The following CUBN variants were observed in gnomAD, a reference collection of about 807,000 sequenced individuals.
CUBN encodes cubilin.
CUBN carries 282 observed loss-of-function variants against 405.3 expected under a neutral mutation model. That is an observed-to-expected ratio of 0.70 (90% CI 0.63 to 0.77). CUBN has a LOEUF of 0.77. Among genes scored for constraint, CUBN ranks in the 30% least tolerant of loss-of-function variants. CUBN has a pLI of 0.00. For synonymous variants in CUBN, 1,684 were observed against 1,617.0 expected, an observed-to-expected ratio of 1.04 and a Z score of -0.99; for missense variants, 4,514 against 4,475.2, an observed-to-expected ratio of 1.01 and a Z score of -0.25.
intron 36 of CUBN, 119 bp downstream of exon 36, chr10:16,947,116 T>C: frequency 6.3e-6 from 7 of 1,106,574 alleles, no homozygotes; most frequent in Non-Finnish European, 8.2e-6. Flanking sequence ...ACAGAGGAAA[T>C]TTGGAAAAAT....
intron 4 of CUBN, among the ~76,000 whole-genome samples, chr10:17,126,550 G>A (rs1837196135): frequency 6.6e-6 from 1 of 152,148 alleles, no homozygotes; most frequent in Non-Finnish European, 1.5e-5. Flanking sequence ...AACAGGCTCG[G>A]AGACCTCAGC....
chr10:17,119,388 G>A (rs981394686), intron 6 of CUBN, among the ~76,000 whole-genome samples: 8 of 152,218 alleles, frequency 5.3e-5, no homozygotes, highest in Admixed American at 3.9e-4. Flanking sequence ...GGCTGGGCAC[G>A]GTGGCTCACG....
chr10:16,987,170 G>C (rs1288381838), intron 29 of CUBN, among the ~76,000 whole-genome samples: 1 of 152,162 alleles, frequency 6.6e-6, no homozygotes, highest in African/African-American at 2.4e-5. Context: ...GACTTTCTCA[G>C]AGATTAAAGT....
chr10:17,103,732 G>A (rs1055484615), intron 12 of CUBN, among the ~76,000 whole-genome samples: 5 of 152,192 alleles, frequency 3.3e-5, no homozygotes, highest in East Asian at 3.8e-4. Flanking sequence ...TAAGTGAGGG[G>A]CAGAAGAGTC....
intron 17 of CUBN, among the ~76,000 whole-genome samples, chr10:17,073,444 C>CTTTTT (rs11349387): frequency 1.8e-5 from 2 of 109,782 alleles, no homozygotes; most frequent in East Asian, 2.4e-4. Flanking sequence ...ATAACCAGCT[C>CTTTTT]TTTTTTTTTT....
At chr10:16,887,215 C>T (rs747885636) in intron 56 of CUBN, among the ~76,000 whole-genome samples, 14 of 152,090 alleles carry the variant, frequency 9.2e-5, no homozygotes, top group Non-Finnish European at 1.6e-4. Flanking sequence ...TGTGTGCACA[C>T]GTATGTCTAT....
In CUBN at chr10:16,915,137, G is replaced by A. The variant is rs776418847; in HGVS notation, c.7246C>T (p.Pro2416Ser). ...TTGCTAGAAGTGTCTATGCTGTCAGGAATGGTGTTTCCACAGTATCTGCCC... is the reference window on the plus strand; with the variant it reads ...TTGCTAGAAGTGTCTATGCTGTCAGAAATGGTGTTTCCACAGTATCTGCCC... ...ILGRYCGNTI[P>S]DSIDTSSNTA... Residue 2416 changes from proline (P) to serine (S), a missense_variant, in exon 47 of 67, where the codon CCT (proline) becomes TCT (serine). Physicochemically the swap from Pro to Ser is moderately conservative, Grantham distance 74. Around this residue, in one of 5 missense-constraint regions of CUBN, gnomAD observed 1,613 missense variants for 1,542.8 expected, o/e 1.05. Coordinates refer to ENST00000377833, the MANE Select transcript of CUBN (RefSeq NM_001081.4). 2 of 1,613,990 alleles carry A rather than the reference G, an allele frequency of 1.2e-6. No homozygotes were observed. The highest frequency in any genetic ancestry group is 1.1e-5 in the South Asian group (1 of 91,074).
Position 17,068,091 on chromosome 10 carries a change from T to C in CUBN, c.2981A>G (p.Asp994Gly). 2 of 1,613,288 alleles carry C rather than the reference T, an allele frequency of 1.2e-6. No individual in the cohort carries two copies. The highest frequency in any genetic ancestry group is 1.7e-4 in the Middle Eastern group (1 of 6,054). The change falls in exon 21 of 67, where the codon GAC becomes GGC. Residue 994 changes from aspartate to glycine, a missense_variant. By Grantham distance (94) the Asp-to-Gly change is moderately conservative (BLOSUM62 -1). Coordinates refer to ENST00000377833, the MANE Select transcript of CUBN (RefSeq NM_001081.4). ...NCTNDYLEVY[D>G]TDSETSLGRY... ...TCCAAGGGATGTCTCAGAGTCGGTG[T>C]CATAAACTTCCAAGTAGTCGTTTGT...
chr10:16,856,173 C>T (rs1839864280), intron 59 of CUBN, among the ~76,000 whole-genome samples: 1 of 152,140 alleles, frequency 6.6e-6, no homozygotes, highest in African/African-American at 2.4e-5. Context: ...TATAAGCCAT[C>T]TTAACCTTGA....
At chr10:16,877,848 G>A (rs1221808074) in intron 56 of CUBN, among the ~76,000 whole-genome samples, 5 of 152,200 alleles carry the variant, frequency 3.3e-5, no homozygotes, top group African/African-American at 1.2e-4. Flanking sequence ...AGTGATTTTT[G>A]TAGGTGAACA....
At chr10:16,924,097 A>G (rs1209977786) in intron 43 of CUBN, among the ~76,000 whole-genome samples, 1 of 113,218 alleles carries the variant, frequency 8.8e-6, no homozygotes, top group African/African-American at 3.5e-5. Flanking sequence ...TGAGTCTATT[A>G]TAAACAAAAA....
At chr10:16,852,967 A>G (rs1839764528) in intron 59 of CUBN, among the ~76,000 whole-genome samples, 1 of 152,250 alleles carries the variant, frequency 6.6e-6, no homozygotes, top group Non-Finnish European at 1.5e-5. Context: ...GCTAAAGGAA[A>G]AAATCTTTAT....
chr10:16,840,766 T>C, intron 61 of CUBN, 119 bp downstream of exon 61: 1 of 932,854 alleles, frequency 1.1e-6, no homozygotes. Context: ...GTTTAGATAG[T>C]AATTGACATT....
intron 56 of CUBN, among the ~76,000 whole-genome samples, chr10:16,887,086 C>T (rs1228575321): frequency 1.3e-5 from 2 of 152,166 alleles, no homozygotes; most frequent in Non-Finnish European, 2.9e-5. Context: ...CCGTGCCCAG[C>T]CTATATTAAT....
chr10:17,084,251 G>A lies in CUBN; in HGVS notation c.2301+20C>T, dbSNP rs748668669. 22 of 1,610,176 alleles carry A rather than the reference G, an allele frequency of 1.4e-5. No homozygotes were observed. The highest frequency in any genetic ancestry group is 2.7e-5 in the African/African-American group (2 of 74,848). ...ATGTTGATGAATGTCATCTAAGGGC[G>A]ATTGAGTAGTGAAAGTTACCTCAAT... On this transcript the variant is annotated intron_variant, in intron 17 of 66. Transcript: ENST00000377833.
At chr10:17,067,085 A>C (rs1835626902) in intron 21 of CUBN, among the ~76,000 whole-genome samples, 1 of 152,148 alleles carries the variant, frequency 6.6e-6, no homozygotes, top group Non-Finnish European at 1.5e-5. Context: ...AGCAGCCAAA[A>C]ACATAAAATT....
chr10:17,006,071 T>G (rs568413621), intron 28 of CUBN, among the ~76,000 whole-genome samples: 35 of 152,282 alleles, frequency 2.3e-4, no homozygotes, highest in Admixed American at 2.2e-3. Context: ...TGCCGACACC[T>G]TGACCTTGGA....
chr10:17,035,663 A>G (rs554467086), intron 27 of CUBN, among the ~76,000 whole-genome samples: 20 of 152,242 alleles, frequency 1.3e-4, no homozygotes, highest in South Asian at 4.1e-4. Context: ...CATAAAAAAG[A>G]GCAAGATCAG....
chr10:17,124,885 G>A (rs1379704710), intron 4 of CUBN, among the ~76,000 whole-genome samples: 1 of 152,034 alleles, frequency 6.6e-6, no homozygotes, highest in African/African-American at 2.4e-5. Flanking sequence ...AGGCTGGAGT[G>A]CAGTGGTATG....
Sources: gnomAD v4.1 joint callset for allele counts (sites outside exome capture counted in the v4.1 genomes callset) on GRCh38, gnomAD v4.1.1 for gene constraint, gnomAD v4.1.1 regional missense constraint, MANE v1.5 for transcripts, NCBI Gene and HGNC (gene_info 2026-07-23, HGNC 2026-07-21) for gene names.